CATSPERE: variants seen among roughly 807,000 people sequenced by gnomAD.
The protein encoded by CATSPERE is cation channel sperm-associated auxiliary subunit epsilon.
CATSPERE carries 93 observed loss-of-function variants against 114.1 expected under a neutral mutation model. The ratio of observed to expected loss-of-function variants is 0.81; its 90% confidence interval spans 0.69 to 0.97. The LOEUF is 0.97. CATSPERE is among the 50% of genes least tolerant of loss of function. The probability of loss-of-function intolerance (pLI) is 0.00; values close to 1 mark genes in which losing one functional copy is unlikely to be tolerated. For missense variants in CATSPERE, 1,058 were observed against 1,131.6 expected, an observed-to-expected ratio of 0.93 and a Z score of 0.93; for synonymous variants, 341 against 384.1, an observed-to-expected ratio of 0.89 and a Z score of 1.31.
At chr1:244,628,946 T>C (rs1007904120) in intron 20 of CATSPERE, among the ~76,000 whole-genome samples, 2 of 152,214 alleles carry the variant, frequency 1.3e-5, no homozygotes, top group African/African-American at 2.4e-5. Flanking sequence ...ACAGAGTTCA[T>C]TTGAGCACTT....
At chr1:244,454,764 G>A (rs1002992937) in intron 1 of CATSPERE, among the ~76,000 whole-genome samples, 7 of 152,066 alleles carry the variant, frequency 4.6e-5, no homozygotes, top group African/African-American at 1.7e-4. Context: ...GTAGTTTTGT[G>A]CTAAGAATTT....
At chr1:244,635,427 G>T in intron 20 of CATSPERE, 62 bp from the exon 21 acceptor site, 1 of 1,217,380 alleles carries the variant, frequency 8.2e-7, no homozygotes. Context: ...TAGGGACATG[G>T]AGAGCGTTTT....
intron 11 of CATSPERE, 42 bp from the exon 12 acceptor site, chr1:244,581,754 A>C: frequency 1.1e-6 from 1 of 939,734 alleles, no homozygotes; most frequent in Non-Finnish European, 1.6e-6. Flanking sequence ...CACCACCCCC[A>C]ATTTCCCTGC....
At chr1:244,452,582 A>G (rs1665707130), upstream of CATSPERE, among the ~76,000 whole-genome samples, 1 of 152,244 alleles carries the variant, frequency 6.6e-6, no homozygotes, top group Admixed American at 6.5e-5. Flanking sequence ...ACATAGTAGT[A>G]ACAAAGGCTC....
chr1:244,489,548 A>G (rs1187677309), intron 5 of CATSPERE, among the ~76,000 whole-genome samples: 1 of 148,078 alleles, frequency 6.8e-6, no homozygotes, highest in Non-Finnish European at 1.5e-5. Flanking sequence ...GGTCTCAAAA[A>G]GCCATCTCAA....
rs968709784 is a variant in CATSPERE, at chr1:244,575,495, G to A, written c.1950+2723G>A. ...AGCTGTCCTCCGAGGGTGGCAGGACGTACCTGAGCAGCACAGAAGGCTTGG... is the reference window on the plus strand; with the variant it reads ...AGCTGTCCTCCGAGGGTGGCAGGACATACCTGAGCAGCACAGAAGGCTTGG... On this transcript the variant is annotated intron_variant, in intron 11 of 21. Coordinates refer to ENST00000366534, the MANE Select transcript of CATSPERE (RefSeq NM_001130957.2). The surrounding 1 kb of genome is among the most constrained non-coding windows in gnomAD (Gnocchi z 4.5). Among the ~76,000 whole-genome samples, 11 of 152,356 alleles carry A rather than the reference G, an allele frequency of 7.2e-5. No individual in the cohort carries two copies. Among genetic ancestry groups the A allele is most frequent in the East Asian group, 1.9e-4 (1 of 5,174 alleles).
rs766344829 is a variant in CATSPERE, at chr1:244,463,946, C to G, written c.104C>G (p.Thr35Ser). Reference protein sequence around the residue: ...TNSPNYRIFSTRSTIKLEYEG... With the variant: ...TNSPNYRIFSSRSTIKLEYEG... ...AGCCCAAACTATCGCATTTTTAGTA[C>G]CAGAAGTACTGTAAGTGTTGAATTT... is the stretch of plus-strand genomic sequence containing the variant. Residue 35 changes from threonine (T) to serine (S), a missense_variant, in exon 2 of 22, where the codon ACC becomes AGC. Physicochemically the swap from Thr to Ser is moderately conservative, Grantham distance 58 (BLOSUM62 1). Around this residue, in one of 2 missense-constraint regions of CATSPERE, gnomAD observed 271 missense variants for 225.9 expected, o/e 1.20. Transcript: ENST00000366534. The G allele has an allele frequency of 2.5e-6, 4 of 1,600,726 alleles. No homozygotes were observed. The highest frequency in any genetic ancestry group is 3.4e-6 in the Non-Finnish European group (4 of 1,168,302).
intron 17 of CATSPERE, among the ~76,000 whole-genome samples, chr1:244,601,709 T>C (rs2148667804): frequency 6.6e-6 from 1 of 152,172 alleles, no homozygotes; most frequent in Admixed American, 6.5e-5. Flanking sequence ...TCCCAGCACT[T>C]CGGGAGGCCA....
At chr1:244,609,149 G>A (rs12752103) in intron 18 of CATSPERE, among the ~76,000 whole-genome samples, 20,521 of 151,870 alleles carry the variant, frequency 0.14, 1,541 homozygotes, top group East Asian at 0.25. Context: ...TTGTACCACT[G>A]CACTCCAGCC....
At chr1:244,520,580 C>T (rs1157285337) in intron 8 of CATSPERE, among the ~76,000 whole-genome samples, 8 of 152,188 alleles carry the variant, frequency 5.3e-5, no homozygotes, top group Non-Finnish European at 8.8e-5. Context: ...GCCCATGCCA[C>T]CAGGGCCTTG....
intron 8 of CATSPERE, among the ~76,000 whole-genome samples, chr1:244,537,405 A>G (rs1379539141): frequency 6.6e-6 from 1 of 151,994 alleles, no homozygotes; most frequent in Non-Finnish European, 1.5e-5. Context: ...CTTTTTACCC[A>G]TTGTTGGATT....
chr1:244,535,621 G>A (rs1201094553), intron 8 of CATSPERE, among the ~76,000 whole-genome samples: 1 of 152,154 alleles, frequency 6.6e-6, no homozygotes, highest in African/African-American at 2.4e-5. Context: ...AGCTTGTGGT[G>A]AATGCTGCCA....
intron 17 of CATSPERE, among the ~76,000 whole-genome samples, chr1:244,604,398 G>A (rs886878665): frequency 5.3e-5 from 8 of 152,212 alleles, no homozygotes; most frequent in Non-Finnish European, 7.3e-5. Context: ...TGTGAGAATG[G>A]GACAATAAAT....
intron 2 of CATSPERE, among the ~76,000 whole-genome samples, chr1:244,468,917 CAG>C (rs1558312361): frequency 6.6e-6 from 1 of 151,662 alleles, no homozygotes; most frequent in African/African-American, 2.4e-5. Flanking sequence ...GACCCTGTTT[CAG>C]AGAGAGAGAG....
At position 244,516,547 on chromosome 1, in the gene CATSPERE, G is replaced by A. The variant is rs572534161; in HGVS notation, c.430-2045G>A. ...TTGTTTTTTTTTTTCTTTTGGAGAC[G>A]GAGTCTCTCTGTTGCCCAGGCTGGA... On this transcript the variant is annotated intron_variant, in intron 7 of 21. Transcript: ENST00000366534. 7.9e-5 allele frequency among the ~76,000 whole-genome samples: 12 copies of A among 151,012 alleles called. 1 individual carries two copies. The South Asian group carries it at 2.5e-3, about 32-fold the overall frequency.
At chr1:244,631,105 C>T (rs1352751243) in intron 20 of CATSPERE, among the ~76,000 whole-genome samples, 1 of 152,044 alleles carries the variant, frequency 6.6e-6, no homozygotes, top group Non-Finnish European at 1.5e-5. Flanking sequence ...CTAGAAACAA[C>T]GTGTTTGTTG....
rs1302364609 is a variant in CATSPERE at position 244,605,786 on chromosome 1, A to G, written c.2395A>G (p.Met799Val). Residue 799 changes from methionine (M) to valine (V), a missense_variant, in exon 18 of 22, where the codon ATG (methionine) becomes GTG (valine). Around this residue, in one of 2 missense-constraint regions of CATSPERE, gnomAD observed 787 missense variants for 905.6 expected, o/e 0.87. Transcript: ENST00000366534. ...GRDDYSFNNT[M>V]AQSGCLHEAQ... The stretch of plus-strand genomic sequence containing the variant: ...GGATGACTATAGCTTTAATAATACT[A>G]TGGCACAGGTATGGCATCTTTGGAT... The G allele has an allele frequency of 1.2e-6, 2 of 1,601,486 alleles. No homozygotes were observed. Among genetic ancestry groups the G allele is most frequent in the Admixed American group, 1.7e-5 (1 of 59,672 alleles).
At chr1:244,474,762 G>A (rs1264784905) in intron 2 of CATSPERE, among the ~76,000 whole-genome samples, 1 of 137,912 alleles carries the variant, frequency 7.3e-6, no homozygotes, top group Non-Finnish European at 1.5e-5. Flanking sequence ...TTTGGAGACA[G>A]GGTTTTGGTC....
chr1:244,477,658 AATTC>A (rs757670305), intron 3 of CATSPERE, 44 bp downstream of exon 3: 3 of 1,240,916 alleles, frequency 2.4e-6, no homozygotes, highest in South Asian at 2.6e-5. Flanking sequence ...TATATTTTTT[AATTC>A]ATTCATATAA....
Sources: allele counts gnomAD v4.1 joint callset (sites outside exome capture counted in the v4.1 genomes callset), GRCh38; gene constraint gnomAD v4.1.1; regional missense constraint gnomAD v4.1.1; non-coding constraint Gnocchi (gnomAD v3.1); transcripts MANE v1.5; gene names NCBI Gene and HGNC (gene_info 2026-07-23, HGNC 2026-07-21).